The following RGS5 variants were observed in gnomAD, a reference collection of about 807,000 sequenced individuals.
RGS5 encodes the protein regulator of G protein signaling 5.
Under a neutral mutation model 18.9 loss-of-function variants are expected in RGS5, and 20 were observed. The observed-to-expected ratio is 1.06, with a 90% confidence interval of 0.74 to 1.54. The LOEUF (loss-of-function observed/expected upper bound fraction) is 1.54, where lower values mean the gene tolerates loss of function less well. Among genes scored for constraint, RGS5 ranks in the 40% most tolerant of loss-of-function variants. The pLI is 0.00. For missense variants in RGS5, 201 were observed against 211.8 expected (o/e 0.95, Z 0.32); for synonymous variants, 57 against 76.2 (o/e 0.75, Z 1.31).
At chr1:163,193,581 A>G (rs1232995569) in intron 1 of RGS5, among the ~76,000 whole-genome samples, 1 of 152,114 alleles carries the variant, frequency 6.6e-6, no homozygotes, top group Non-Finnish European at 1.5e-5. Context: ...ACACCTACAG[A>G]TTTTCCAGGA....
At chr1:163,281,269 A>G (rs1252333324) in intron 2 of RGS5, among the ~76,000 whole-genome samples, 1 of 152,156 alleles carries the variant, frequency 6.6e-6, no homozygotes, top group East Asian at 1.9e-4. Context: ...TGTCTTTATC[A>G]GCAGCATGAA....
rs369898603 is a variant in RGS5, at chr1:163,246,594, C to A, written c.-281+59639G>T. Among the ~76,000 whole-genome samples the A allele has an allele frequency of 6.4e-4, 97 of 151,952 alleles. 3 individuals carry two copies. The South Asian group carries it at 0.02, about 32-fold the overall frequency. On this transcript the variant is annotated intron_variant, in intron 2 of 5. Coordinates refer to the RGS5 transcript ENST00000618415. ...TGAAAAACAAAAAACAAAACAAAAA[C>A]AAAACAAAACAAAACAAAAAACAAA...
chr1:163,234,969 C>A (rs571764455), intron 2 of RGS5, among the ~76,000 whole-genome samples: 1 of 152,188 alleles, frequency 6.6e-6, no homozygotes, highest in Non-Finnish European at 1.5e-5. Flanking sequence ...ACTGTGCCAG[C>A]CTTCAGAAAT....
chr1:163,262,096 A>C (rs1648456959), intron 2 of RGS5, among the ~76,000 whole-genome samples: 1 of 150,634 alleles, frequency 6.6e-6, no homozygotes, highest in Non-Finnish European at 1.5e-5. Flanking sequence ...TAGTACTGGA[A>C]TTGAGAAGCC....
At chr1:163,274,847 T>C (rs1317220325) in intron 2 of RGS5, among the ~76,000 whole-genome samples, 5 of 152,192 alleles carry the variant, frequency 3.3e-5, no homozygotes, top group African/African-American at 1.2e-4. Context: ...ACTTACAAGG[T>C]GGGTCACACT....
At chr1:163,306,504 T>C (rs138604113) in intron 1 of RGS5, among the ~76,000 whole-genome samples, 86 of 152,314 alleles carry the variant, frequency 5.6e-4, no homozygotes, top group Non-Finnish European at 1.1e-3. Flanking sequence ...AGGCTATTTA[T>C]ATAGATCCTG....
intron 2 of RGS5, among the ~76,000 whole-genome samples, chr1:163,238,222 A>G (rs1647681246): frequency 1.3e-5 from 2 of 152,236 alleles, no homozygotes; most frequent in Non-Finnish European, 2.9e-5. Flanking sequence ...TCTTATAATT[A>G]TCTACATATA....
intron 2 of RGS5, among the ~76,000 whole-genome samples, chr1:163,166,221 G>A (rs1658040337): frequency 6.6e-6 from 1 of 151,652 alleles, no homozygotes; most frequent in African/African-American, 2.4e-5. Flanking sequence ...GTGCAAAAAG[G>A]GGAACAGAGC....
chr1:163,252,323 A>G (rs554663841), intron 2 of RGS5, among the ~76,000 whole-genome samples: 5 of 152,316 alleles, frequency 3.3e-5, no homozygotes, highest in African/African-American at 1.2e-4. Flanking sequence ...TATATATTCT[A>G]CATAAAAGTC....
At chr1:163,214,449 A>G (rs1272651819) in intron 1 of RGS5, among the ~76,000 whole-genome samples, 1 of 152,076 alleles carries the variant, frequency 6.6e-6, no homozygotes, top group African/African-American at 2.4e-5. Context: ...CTATTACTAC[A>G]TATATATACC....
chr1:163,158,795 G>A (rs147725635), intron 3 of RGS5, among the ~76,000 whole-genome samples: 448 of 152,240 alleles, frequency 2.9e-3, no homozygotes, highest in African/African-American at 0.01. Flanking sequence ...ATCTTATCAG[G>A]AGACAGGGTT....
chr1:163,258,497 TA>T (rs917817514), intron 2 of RGS5, among the ~76,000 whole-genome samples: 2 of 151,640 alleles, frequency 1.3e-5, no homozygotes, highest in African/African-American at 2.4e-5. Context: ...AGCTAAAAGC[TA>T]AAAAAAAATC....
chr1:163,198,232 T>C (rs1557901581), intron 1 of RGS5, among the ~76,000 whole-genome samples: 1 of 152,174 alleles, frequency 6.6e-6, no homozygotes, highest in Non-Finnish European at 1.5e-5. Context: ...TCCCATTTAC[T>C]TCCTATGGCT....
upstream of RGS5, among the ~76,000 whole-genome samples, chr1:163,221,954 A>G (rs1647234074): frequency 6.6e-6 from 1 of 152,222 alleles, no homozygotes. Flanking sequence ...GAAAATAGAG[A>G]TTCCATAGGT....
intron 2 of RGS5, chr1:163,267,453 T>C (rs933955381): frequency 1.3e-5 from 2 of 152,164 alleles, no homozygotes; most frequent in Non-Finnish European, 2.9e-5. Context: ...TTGAGCTTCT[T>C]TGGTAATTTT....
At chr1:163,215,065 G>A (rs988832052) in intron 1 of RGS5, among the ~76,000 whole-genome samples, 24 of 152,198 alleles carry the variant, frequency 1.6e-4, no homozygotes, top group Non-Finnish European at 1.6e-4. Flanking sequence ...ACAATCTGAA[G>A]CTAGTTTTGT....
intron 2 of RGS5, among the ~76,000 whole-genome samples, chr1:163,272,051 T>C (rs1648733782): frequency 6.6e-6 from 1 of 152,002 alleles, no homozygotes; most frequent in Non-Finnish European, 1.5e-5. Context: ...TCTCTCTCTT[T>C]TTCTTTTTTT....
intron 2 of RGS5, among the ~76,000 whole-genome samples, chr1:163,286,622 A>G (rs1373339814): frequency 6.6e-6 from 1 of 151,600 alleles, no homozygotes; most frequent in African/African-American, 2.4e-5. Flanking sequence ...CTTTTTATCA[A>G]TGATCATATT....
At chr1:163,166,964 C>T (rs926349254) in intron 2 of RGS5, among the ~76,000 whole-genome samples, 2 of 152,116 alleles carry the variant, frequency 1.3e-5, no homozygotes, top group East Asian at 1.9e-4. Flanking sequence ...TCTCCACTAC[C>T]GCTTGGTGCC....
Sources: allele counts gnomAD v4.1 joint callset (sites outside exome capture counted in the v4.1 genomes callset), GRCh38; gene constraint gnomAD v4.1.1; transcripts MANE v1.5; gene names NCBI Gene and HGNC (gene_info 2026-07-23, HGNC 2026-07-21).